CCDC7: variants seen among roughly 807,000 people sequenced by gnomAD.
The protein encoded by CCDC7 is coiled-coil domain containing 7.
CCDC7 carries 183 observed loss-of-function variants against 196.9 expected under a neutral mutation model. The ratio of observed to expected loss-of-function variants is 0.93; its 90% CI spans 0.82 to 1.05. The LOEUF (loss-of-function observed/expected upper bound fraction) is 1.05, where lower values mean the gene tolerates loss of function less well. Among genes scored for constraint, CCDC7 ranks in the 50% least tolerant of loss-of-function variants. The pLI is 0.00. For synonymous variants in CCDC7, 525 were observed against 484.6 expected (o/e 1.08, Z -1.10); for missense variants, 1,540 against 1,482.2 (o/e 1.04, Z -0.64).
chr10:32,528,805 A>T (rs1002174006), intron 11 of CCDC7, among the ~76,000 whole-genome samples: 2 of 131,706 alleles, frequency 1.5e-5, no homozygotes, highest in Non-Finnish European at 3.2e-5. Context: ...TTTTATATAT[A>T]TATTTATATT....
At chr10:32,633,981 T>C (rs892345427) in intron 18 of CCDC7, among the ~76,000 whole-genome samples, 6 of 152,008 alleles carry the variant, frequency 3.9e-5, no homozygotes, top group Admixed American at 2.6e-4. Context: ...CATTCTTATC[T>C]AAAAGGTAGC....
At chr10:32,618,733 C>G (rs2063052454) in intron 18 of CCDC7, among the ~76,000 whole-genome samples, 1 of 152,006 alleles carries the variant, frequency 6.6e-6, no homozygotes, top group Non-Finnish European at 1.5e-5. Context: ...CTTTCTTTCA[C>G]TGACTGTAGA....
At chr10:32,804,702 G>A (rs572791032) in intron 29 of CCDC7, among the ~76,000 whole-genome samples, 43 of 152,146 alleles carry the variant, frequency 2.8e-4, no homozygotes, top group African/African-American at 9.4e-4. Context: ...TTAATTTTGC[G>A]TTACAGATAA....
intron 9 of CCDC7, among the ~76,000 whole-genome samples, chr10:32,509,030 G>C (rs369842901): frequency 2.7e-5 from 4 of 150,438 alleles, no homozygotes; most frequent in African/African-American, 9.8e-5. Flanking sequence ...TGCCTCCTGG[G>C]TTTGAGTGAT....
intron 28 of CCDC7, among the ~76,000 whole-genome samples, chr10:32,741,403 A>G (rs1025960705): frequency 2.6e-5 from 4 of 152,194 alleles, no homozygotes; most frequent in African/African-American, 9.7e-5. Flanking sequence ...ATGAGTCTGT[A>G]TACAGTCATT....
At chr10:32,859,823 T>C (rs530480991) in intron 41 of CCDC7, among the ~76,000 whole-genome samples, 1 of 152,266 alleles carries the variant, frequency 6.6e-6, no homozygotes, top group East Asian at 1.9e-4. Context: ...AAGAAATGGA[T>C]AAATTCCTGT....
intron 23 of CCDC7, among the ~76,000 whole-genome samples, chr10:32,690,811 G>T (rs1168764600): frequency 6.6e-6 from 1 of 152,178 alleles, no homozygotes. Flanking sequence ...TGCAAGTGGG[G>T]GTTCACATAG....
chr10:32,621,232 A>C (rs2063372603), intron 18 of CCDC7, among the ~76,000 whole-genome samples: 1 of 152,192 alleles, frequency 6.6e-6, no homozygotes, highest in African/African-American at 2.4e-5. Flanking sequence ...TCATGAATGA[A>C]ATACTTCCTT....
rs185336118 is a variant in CCDC7, at chr10:32,666,471, C to T, written c.2122+2310C>T. Among the ~76,000 whole-genome samples, 206 of 152,082 alleles carry T rather than the reference C, an allele frequency of 1.4e-3. 1 individual carries two copies. The highest frequency in any genetic ancestry group is 4.7e-3 in the African/African-American group (193 of 41,482). On this transcript the variant is annotated intron_variant, in intron 21 of 41. Coordinates refer to ENST00000639629, the Ensembl canonical transcript of CCDC7. ...ATACATGTGCCGTGTTGGTGTGCTG[C>T]ACCCATTAACTTGTCATTTACATTA...
At chr10:32,584,576 T>C (rs1343638761) in intron 18 of CCDC7, among the ~76,000 whole-genome samples, 1 of 151,422 alleles carries the variant, frequency 6.6e-6, no homozygotes, top group Non-Finnish European at 1.5e-5. Flanking sequence ...ACCAACATGA[T>C]GAAACCCTGT....
chr10:32,464,954 C>G (rs1227398425), intron 5 of CCDC7, among the ~76,000 whole-genome samples: 1 of 152,040 alleles, frequency 6.6e-6, no homozygotes, highest in Non-Finnish European at 1.5e-5. Flanking sequence ...ATTTCCATGT[C>G]CTTTATTAGC....
At chr10:32,655,330 A>T (rs554055249) in intron 20 of CCDC7, among the ~76,000 whole-genome samples, 2 of 152,130 alleles carry the variant, frequency 1.3e-5, no homozygotes, top group South Asian at 4.2e-4. Flanking sequence ...CTGTACACAT[A>T]TTTTCAATTG....
At chr10:32,780,890 G>T (rs2080950703) in intron 29 of CCDC7, among the ~76,000 whole-genome samples, 1 of 152,072 alleles carries the variant, frequency 6.6e-6, no homozygotes, top group African/African-American at 2.4e-5. Flanking sequence ...TACAAAAGAT[G>T]CACTTTAGAT....
intron 32 of CCDC7, among the ~76,000 whole-genome samples, chr10:32,827,146 A>C (rs1760830950): frequency 6.6e-6 from 1 of 152,182 alleles, no homozygotes; most frequent in African/African-American, 2.4e-5. Flanking sequence ...TTCCCCAGCC[A>C]CGCCTGTCAT....
At chr10:32,530,079 A>C (rs1415673159) in intron 11 of CCDC7, among the ~76,000 whole-genome samples, 3 of 151,964 alleles carry the variant, frequency 2.0e-5, no homozygotes, top group Non-Finnish European at 2.9e-5. Flanking sequence ...TCAGTTGACT[A>C]TAAGTATTTG....
intron 21 of CCDC7, among the ~76,000 whole-genome samples, chr10:32,676,280 T>G (rs925532051): frequency 6.6e-6 from 1 of 150,546 alleles, no homozygotes; most frequent in African/African-American, 2.4e-5. Context: ...GAAGAAAACC[T>G]AGGCAATACC....
At chr10:32,659,140 G>A (rs890423750) in intron 20 of CCDC7, among the ~76,000 whole-genome samples, 1 of 151,866 alleles carries the variant, frequency 6.6e-6, no homozygotes, top group African/African-American at 2.4e-5. Flanking sequence ...TGGATTTGAG[G>A]TCTTTCTTTT....
intron 11 of CCDC7, among the ~76,000 whole-genome samples, chr10:32,528,485 T>C (rs1184929652): frequency 6.6e-6 from 1 of 151,178 alleles, no homozygotes; most frequent in Non-Finnish European, 1.5e-5. Context: ...GTCCCACTTA[T>C]GAGTGAGAGC....
chr10:32,517,170 T>C (rs568063767), intron 9 of CCDC7, among the ~76,000 whole-genome samples: 1 of 152,288 alleles, frequency 6.6e-6, no homozygotes, highest in South Asian at 2.1e-4. Context: ...ACCATCAGGC[T>C]TGCAGAATCT....
Sources: allele counts gnomAD v4.1 joint callset (sites outside exome capture counted in the v4.1 genomes callset), GRCh38; gene constraint gnomAD v4.1.1; transcripts MANE v1.5; gene names NCBI Gene and HGNC (gene_info 2026-07-23, HGNC 2026-07-21).